Variants in SORCS2 observed in about 807,000 individuals in gnomAD.
SORCS2 encodes the protein VPS10 domain-containing receptor SorCS2.
In SORCS2, 100 loss-of-function variants were observed where a neutral mutation model predicts 141.6. The observed-to-expected ratio is 0.71, with a 90% confidence interval of 0.60 to 0.83. The LOEUF (loss-of-function observed/expected upper bound fraction) is 0.83. SORCS2 is among the 40% of genes least tolerant of loss of function. The pLI is 0.00. For missense variants in SORCS2, 1,646 were observed against 1,560.2 expected (o/e 1.05, Z -0.93); for synonymous variants, 789 against 676.9 (o/e 1.17, Z -2.57).
intron 1 of SORCS2, among the ~76,000 whole-genome samples, chr4:7,311,359 A>C (rs1267735591): frequency 6.6e-6 from 1 of 152,228 alleles, no homozygotes; most frequent in African/African-American, 2.4e-5. Flanking sequence ...GGCTATAACA[A>C]ATGAAGCTGC....
rs192190782 is a variant in SORCS2, at chr4:7,710,147, C to T, written c.1869-2586C>T. Among the ~76,000 whole-genome samples the T allele has an allele frequency of 5.3e-4, 80 of 152,280 alleles. 1 individual carries two copies. Among genetic ancestry groups the T allele is most frequent in the African/African-American group, 1.8e-3 (75 of 41,566 alleles). On this transcript the variant is annotated intron_variant, in intron 14 of 26. Transcript: ENST00000507866. Reference sequence around the variant, plus strand: ...GCTCAGAACAGCGGTGAGACTGAGGCCTCCTGGGGGTCTCTGCGACCAATG... The same window carrying T: ...GCTCAGAACAGCGGTGAGACTGAGGTCTCCTGGGGGTCTCTGCGACCAATG...
intron 2 of SORCS2, among the ~76,000 whole-genome samples, chr4:7,493,942 T>C (rs1448599669): frequency 6.6e-6 from 1 of 152,204 alleles, no homozygotes; most frequent in Non-Finnish European, 1.5e-5. Context: ...CCTTTTAGTT[T>C]CCATCTGGTG....
At chr4:7,637,707 G>A (rs1025061631) in intron 3 of SORCS2, among the ~76,000 whole-genome samples, 2 of 150,910 alleles carry the variant, frequency 1.3e-5, no homozygotes, top group African/African-American at 4.9e-5. Context: ...ATGAATGAAT[G>A]AATGAGTGAA....
At chr4:7,561,113 G>A (rs1714507223) in intron 3 of SORCS2, among the ~76,000 whole-genome samples, 1 of 152,166 alleles carries the variant, frequency 6.6e-6, no homozygotes, top group Admixed American at 6.5e-5. Context: ...GTCAGAAGCT[G>A]GGTGTCATTC....
rs992468329 is a variant in SORCS2, at chr4:7,740,846, C to T, written c.*582C>T. The stretch of plus-strand genomic sequence containing the variant: ...AAATGCCTCTCTAGGTAGCTGCTGG[C>T]GGTGGTGGGGGTGTCTCACTCTCTG... On this transcript the variant is annotated 3_prime_UTR_variant, in exon 27 of 27. Coordinates refer to ENST00000507866, the MANE Select transcript of SORCS2 (RefSeq NM_020777.3). 20 of 390,614 alleles carry T rather than the reference C, an allele frequency of 5.1e-5. No individual in the cohort carries two copies. The highest frequency in any genetic ancestry group is 1.8e-4 in the East Asian group (5 of 27,432). The allele number at this position is 390,614 out of a possible 1,614,324, so 24.2% of individuals were successfully genotyped here. A position where few individuals can be genotyped will look rare whatever the true frequency, so the allele number is the denominator to read the frequency against.
intron 1 of SORCS2, among the ~76,000 whole-genome samples, chr4:7,389,791 G>A (rs1397601004): frequency 1.3e-5 from 2 of 152,206 alleles, no homozygotes; most frequent in East Asian, 1.9e-4. Flanking sequence ...AGTCAAGGCC[G>A]GAGCTCATGG....
chr4:7,711,889 C>A (rs1024532318), intron 14 of SORCS2, among the ~76,000 whole-genome samples: 3 of 152,150 alleles, frequency 2.0e-5, no homozygotes, highest in African/African-American at 7.2e-5. Flanking sequence ...ATCCCCAGCA[C>A]CTTTAGATGT....
chr4:7,458,435 G>A (rs1174651653), intron 2 of SORCS2, among the ~76,000 whole-genome samples: 1 of 152,076 alleles, frequency 6.6e-6, no homozygotes, highest in Non-Finnish European at 1.5e-5. Context: ...GGGCCCCTGA[G>A]CAAAGAAGGA....
chr4:7,220,242 TC>T (rs1728625674), intron 1 of SORCS2, among the ~76,000 whole-genome samples: 1 of 149,758 alleles, frequency 6.7e-6, no homozygotes, highest in Non-Finnish European at 1.5e-5. Flanking sequence ...CCTCCTGGCC[TC>T]CCGAGGCATT....
chr4:7,409,406 C>T (rs571651398), intron 2 of SORCS2, among the ~76,000 whole-genome samples: 18 of 152,320 alleles, frequency 1.2e-4, no homozygotes, highest in African/African-American at 4.3e-4. Context: ...TCTCCAACAG[C>T]ATGGTGCTGC....
intron 1 of SORCS2, among the ~76,000 whole-genome samples, chr4:7,331,447 G>C (rs1197480636): frequency 6.6e-6 from 1 of 152,130 alleles, no homozygotes; most frequent in Non-Finnish European, 1.5e-5. Context: ...GGGAGTGACA[G>C]TACCCACGCG....
chr4:7,248,528 C>T (rs935640671), intron 1 of SORCS2, among the ~76,000 whole-genome samples: 7 of 152,178 alleles, frequency 4.6e-5, no homozygotes, highest in African/African-American at 1.7e-4. Flanking sequence ...CCTGGCCTGC[C>T]AAAAGCCTTC....
At chr4:7,528,607 G>A (rs750794029) in intron 2 of SORCS2, among the ~76,000 whole-genome samples, 2 of 151,984 alleles carry the variant, frequency 1.3e-5, no homozygotes, top group Non-Finnish European at 2.9e-5. Flanking sequence ...TGTATTTTTA[G>A]TAGAGACGAG....
intron 19 of SORCS2, among the ~76,000 whole-genome samples, 164 bp downstream of exon 19, chr4:7,724,047 C>T (rs1017912849): frequency 6.6e-6 from 1 of 152,080 alleles, no homozygotes; most frequent in African/African-American, 2.4e-5. Context: ...AAACCCGCAC[C>T]CCTGATGACC....
In SORCS2 at chr4:7,245,518, G is replaced by A. The variant is rs574292596; in HGVS notation, c.480+52392G>A. ...GATTCCACTCTGGCTCTTGCTAGTT[G>A]CGTGGCCTCGGATGATTCCTCAGGG... On this transcript the variant is annotated intron_variant, in intron 1 of 26. Coordinates refer to ENST00000507866, the MANE Select transcript of SORCS2 (RefSeq NM_020777.3). Among the ~76,000 whole-genome samples, 7 of 152,362 alleles carry A rather than the reference G, an allele frequency of 4.6e-5. No individual in the cohort carries two copies. In the East Asian group the frequency reaches 1.3e-3, roughly 29 times the overall value.
At chr4:7,414,657 A>G (rs536490003) in intron 2 of SORCS2, among the ~76,000 whole-genome samples, 1 of 152,366 alleles carries the variant, frequency 6.6e-6, no homozygotes, top group African/African-American at 2.4e-5. Flanking sequence ...TGCAAGAATC[A>G]AAAGAATCAA....
At chr4:7,707,810 C>T (rs558749429) in intron 14 of SORCS2, among the ~76,000 whole-genome samples, 4 of 152,188 alleles carry the variant, frequency 2.6e-5, no homozygotes, top group Non-Finnish European at 5.9e-5. Flanking sequence ...TGGAGACAGA[C>T]GCTCATGGGG....
chr4:7,540,272 G>A (rs1194695506), intron 3 of SORCS2, among the ~76,000 whole-genome samples: 1 of 146,306 alleles, frequency 6.8e-6, no homozygotes, highest in Admixed American at 7.0e-5. Context: ...CTCTTGGCCC[G>A]CCTAGGGTTT....
intron 1 of SORCS2, among the ~76,000 whole-genome samples, chr4:7,298,517 G>T (rs1717224066): frequency 6.6e-6 from 1 of 152,310 alleles, no homozygotes; most frequent in Admixed American, 6.5e-5. Context: ...ACTGACCAGG[G>T]TGCCCCAGCA....
Sources: gnomAD v4.1 joint callset for allele counts (sites outside exome capture counted in the v4.1 genomes callset) on GRCh38, gnomAD v4.1.1 for gene constraint, MANE v1.5 for transcripts, NCBI Gene and HGNC (gene_info 2026-07-23, HGNC 2026-07-21) for gene names.